Variants in ADGRB1 observed in about 807,000 individuals in gnomAD.
The protein encoded by ADGRB1 is brain-specific angiogenesis inhibitor 1.
ADGRB1 carries 36 observed loss-of-function variants against 175.7 expected under a neutral mutation model. That is an observed-to-expected ratio of 0.20 (90% CI 0.16 to 0.27). The LOEUF is 0.27. Among genes scored for constraint, ADGRB1 ranks in the 10% least tolerant of loss-of-function variants. The pLI, the probability that ADGRB1 is intolerant of heterozygous loss-of-function variation, is 1.00. For missense variants in ADGRB1, 1,731 were observed against 2,255.3 expected (o/e 0.77, Z 4.71); for synonymous variants, 1,054 against 979.4 (o/e 1.08, Z -1.42).
rs1221239902 is a variant in ADGRB1 at position 142,511,080 on chromosome 8, C to T, written c.2817+7C>T. Reference sequence around the variant, plus strand: ...CCAGCTCAGCGCCGACGCGGTGAGACCCCGGCCGGGCCGGCGGGAGGGGCG... The same window carrying T: ...CCAGCTCAGCGCCGACGCGGTGAGATCCCGGCCGGGCCGGCGGGAGGGGCG... On this transcript the variant is annotated splice_region_variant and intron_variant, in intron 18 of 30. Coordinates refer to ENST00000517894, the MANE Select transcript of ADGRB1 (RefSeq NM_001702.3). This position sits in a 1 kb window ranked among gnomAD's most constrained non-coding sequence, Gnocchi z 4.5. 5 of 1,127,552 alleles carry T rather than the reference C, an allele frequency of 4.4e-6. No homozygotes were observed. The highest frequency in any genetic ancestry group is 4.7e-5 in the Admixed American group (1 of 21,298). 69.8% of individuals were successfully genotyped at this position (1,127,552 alleles called of 1,614,324 possible). A position where few individuals can be genotyped will look rare whatever the true frequency, so the allele number is the denominator to read the frequency against.
At chr8:142,519,151 G>A (rs903608284) in intron 19 of ADGRB1, among the ~76,000 whole-genome samples, 1 of 152,122 alleles carries the variant, frequency 6.6e-6, no homozygotes, top group African/African-American at 2.4e-5. Flanking sequence ...CTTCCCCTAG[G>A]GCCTGGATTC....
chr8:142,502,383 GATGACA>G, intron 17 of ADGRB1, among the ~76,000 whole-genome samples: 3 of 122,456 alleles, frequency 2.4e-5, no homozygotes, highest in Non-Finnish European at 3.5e-5. Flanking sequence ...TGGTTTTGAT[GATGACA>G]GTGGTGGTGA....
chr8:142,467,599 G>A (rs1447142525), intron 2 of ADGRB1, among the ~76,000 whole-genome samples: 1 of 152,192 alleles, frequency 6.6e-6, no homozygotes, highest in African/African-American at 2.4e-5. Flanking sequence ...AGCTGGCAGT[G>A]TCATGTGAAC....
chr8:142,464,693 C>G lies in ADGRB1; in HGVS notation c.495C>G (p.Pro165=), dbSNP rs1459080482. 1.3e-6 allele frequency: 2 copies of G among 1,528,816 alleles called. No individual in the cohort carries two copies. The highest frequency in any genetic ancestry group is 2.8e-5 in the African/African-American group (2 of 71,984). The allele number at this position is 1,528,816 out of a possible 1,614,324, so 94.7% of individuals were successfully genotyped here. A position where few individuals can be genotyped will look rare whatever the true frequency, so the allele number is the denominator to read the frequency against. The change falls in exon 2 of 31, where the codon CCC becomes CCG. Residue 165 remains proline (P), a synonymous_variant. Transcript: ENST00000517894. ...GLRPRAGPPG[P]TDDFSVEYLV... is the part of the protein sequence containing the mutation. ...GGCCCCGGGCCGGGCCGCCGGGCCC[C>G]ACCGACGACTTCTCCGTGGAGTACC...
At chr8:142,513,959 T>C (rs756504253) in intron 18 of ADGRB1, among the ~76,000 whole-genome samples, 1 of 151,514 alleles carries the variant, frequency 6.6e-6, no homozygotes, top group Non-Finnish European at 1.5e-5. Context: ...GGTGGGAGGC[T>C]GGGAGGTAAG....
intron 16 of ADGRB1, 30 bp from the exon 17 acceptor site, chr8:142,490,742 G>A (rs1462711156): frequency 6.4e-7 from 1 of 1,563,260 alleles, no homozygotes; most frequent in Admixed American, 1.9e-5. Flanking sequence ...TGGCTGCCAG[G>A]GGCCCTGACT....
intron 18 of ADGRB1, among the ~76,000 whole-genome samples, chr8:142,512,006 G>T (rs552575839): frequency 6.6e-6 from 1 of 152,338 alleles, no homozygotes; most frequent in African/African-American, 2.4e-5. Flanking sequence ...AGAAGGTAGC[G>T]CCTAGCCTCT....
intron 24 of ADGRB1, among the ~76,000 whole-genome samples, chr8:142,527,383 GTC>G (rs1371851115): frequency 2.0e-5 from 3 of 152,114 alleles, no homozygotes; most frequent in Non-Finnish European, 4.4e-5. Flanking sequence ...GATGCTTGGT[GTC>G]TCTCTGTCTC....
Position 142,479,470 on chromosome 8 carries a change from G to T in ADGRB1, c.1709G>T (p.Gly570Val). 4.5e-6 allele frequency: 7 copies of T among 1,551,328 alleles called. No individual in the cohort carries two copies. Among genetic ancestry groups the T allele is most frequent in the Non-Finnish European group, 6.1e-6 (7 of 1,155,276 alleles). The change falls in exon 8 of 31, where the codon GGC becomes GTC. Residue 570 changes from glycine to valine, a missense_variant. Around this residue, in one of 8 missense-constraint regions of ADGRB1, gnomAD observed 388 missense variants for 630.9 expected, o/e 0.61. Coordinates refer to ENST00000517894, the MANE Select transcript of ADGRB1 (RefSeq NM_001702.3). ...QGPQDEYRQC[G>V]TQRCPEPHEI... The stretch of plus-strand genomic sequence containing the variant: ...CCCCAGGATGAGTACCGGCAGTGCG[G>T]CACCCAGCGGTGTCCCGGTGAGGCC...
chr8:142,463,446 C>T (rs1407795845), intron 1 of ADGRB1, among the ~76,000 whole-genome samples: 1 of 152,254 alleles, frequency 6.6e-6, no homozygotes, highest in Non-Finnish European at 1.5e-5. Context: ...GGGGAATGGC[C>T]CGAGTAACCT....
rs1009852131 is a variant in ADGRB1 at position 142,543,344 on chromosome 8, A to T, written c.4414-59A>T. Reference sequence around the variant, plus strand: ...CTGATGCCCTCAGTCTGAGGCAGGGAGAGGCGTGGACTTGTCAGGGACCCT... The same window carrying T: ...CTGATGCCCTCAGTCTGAGGCAGGGTGAGGCGTGGACTTGTCAGGGACCCT... On this transcript the variant is annotated intron_variant, in intron 28 of 30. Coordinates refer to ENST00000517894, the MANE Select transcript of ADGRB1 (RefSeq NM_001702.3). The surrounding 1 kb of genome is among the most constrained non-coding windows in gnomAD (Gnocchi z 4.4). The T allele has an allele frequency of 6.2e-7, 1 of 1,605,242 alleles. No individual in the cohort carries two copies. Among genetic ancestry groups the T allele is most frequent in the South Asian group, 1.1e-5 (1 of 89,880 alleles).
chr8:142,496,578 T>C (rs1203877872), intron 17 of ADGRB1, among the ~76,000 whole-genome samples: 1 of 152,178 alleles, frequency 6.6e-6, no homozygotes, highest in Admixed American at 6.5e-5. Context: ...ACGTAAGAGT[T>C]GCAAATATCT....
intron 7 of ADGRB1, 154 bp from the exon 8 acceptor site, chr8:142,479,169 C>A: frequency 1.2e-6 from 1 of 827,784 alleles, no homozygotes; most frequent in Non-Finnish European, 1.7e-6. Context: ...TCTGAATTTC[C>A]CTTCTTTGAC....
intron 1 of ADGRB1, among the ~76,000 whole-genome samples, chr8:142,451,106 G>A (rs78317875): frequency 0.02 from 2,999 of 152,250 alleles, 29 homozygotes; most frequent in East Asian, 0.049. Context: ...CCTCTCCCTA[G>A]GTCCCCGCGG....
rs1180097842 is a variant in ADGRB1 at position 142,449,807 on chromosome 8, G to C, written c.-517G>C. On this transcript the variant is annotated 5_prime_UTR_variant, in exon 1 of 31. Transcript: ENST00000517894. Reference sequence around the variant, plus strand: ...AGCACAGGCGGCCGCGCCGCGTCCTGGCCCGGCCCGGGCCCGCGCGCCAGC... The same window carrying C: ...AGCACAGGCGGCCGCGCCGCGTCCTCGCCCGGCCCGGGCCCGCGCGCCAGC... 2 of 146,506 alleles carry C rather than the reference G, an allele frequency of 1.4e-5. No individual in the cohort carries two copies. Among genetic ancestry groups the C allele is most frequent in the Admixed American group, 1.4e-4 (2 of 14,738 alleles). The allele number at this position is 146,506 out of a possible 1,614,324, so 9.1% of individuals were successfully genotyped here.
intron 18 of ADGRB1, among the ~76,000 whole-genome samples, chr8:142,517,038 G>A (rs1274439602): frequency 1.3e-5 from 2 of 152,184 alleles, no homozygotes; most frequent in East Asian, 1.9e-4. Context: ...GAGAGGATGA[G>A]CTGAGTGCAG....
chr8:142,522,468 C>T (rs922989549), intron 21 of ADGRB1, among the ~76,000 whole-genome samples, 173 bp from the exon 22 acceptor site: 14 of 152,244 alleles, frequency 9.2e-5, no homozygotes, highest in African/African-American at 3.1e-4. Context: ...CGCCCAGCTC[C>T]GCAGGCCCTT....
At position 142,511,095 on chromosome 8, in the gene ADGRB1, CGGGAGGGGCGCCG is replaced by C; in HGVS notation, c.2817+25_2817+37del. 1 of 1,089,044 alleles carries C rather than the reference CGGGAGGGGCGCCG, an allele frequency of 9.2e-7. No homozygotes were observed. 67.5% of individuals were successfully genotyped at this position (1,089,044 alleles called of 1,614,324 possible). On this transcript the variant is annotated intron_variant, in intron 18 of 30. Coordinates refer to ENST00000517894, the MANE Select transcript of ADGRB1 (RefSeq NM_001702.3). This position sits in a 1 kb window ranked among gnomAD's most constrained non-coding sequence, Gnocchi z 4.5. Reference sequence around the variant, plus strand: ...CGCGGTGAGACCCCGGCCGGGCCGGCGGGAGGGGCGCCGGGCAGGGGCGCGGGCGGGGGCTGCC... The same window carrying C: ...CGCGGTGAGACCCCGGCCGGGCCGGCGGCAGGGGCGCGGGCGGGGGCTGCC...
At chr8:142,486,285 TGAAAG>T (rs1211718316) in intron 13 of ADGRB1, among the ~76,000 whole-genome samples, 1 of 152,144 alleles carries the variant, frequency 6.6e-6, no homozygotes, top group African/African-American at 2.4e-5. Context: ...GCAAACCAGA[TGAAAG>T]GAATAATCCC....
Sources: allele counts gnomAD v4.1 joint callset (sites outside exome capture counted in the v4.1 genomes callset), GRCh38; gene constraint gnomAD v4.1.1; regional missense constraint gnomAD v4.1.1; non-coding constraint Gnocchi (gnomAD v3.1); transcripts MANE v1.5; gene names NCBI Gene and HGNC (gene_info 2026-07-23, HGNC 2026-07-21).